ANKS6: variants seen among roughly 807,000 people sequenced by gnomAD.
ANKS6 encodes the protein ankyrin repeat and sterile alpha motif domain containing 6.
ANKS6 carries 47 observed loss-of-function variants against 77.9 expected under a neutral mutation model. That is an observed-to-expected ratio of 0.60 (90% CI 0.48 to 0.77). The LOEUF (loss-of-function observed/expected upper bound fraction) is 0.77. Ranked by LOEUF, ANKS6 falls within the 30% of genes least tolerant of loss-of-function variation. The pLI, the probability that ANKS6 is intolerant of heterozygous loss-of-function variation, is 0.00. For missense variants in ANKS6, 1,150 were observed against 1,159.1 expected, an observed-to-expected ratio of 0.99 and a Z score of 0.11; for synonymous variants, 488 against 501.7, an observed-to-expected ratio of 0.97 and a Z score of 0.37.
chr9:98,779,764 C>T (rs1027316427), intron 6 of ANKS6, among the ~76,000 whole-genome samples: 2 of 151,946 alleles, frequency 1.3e-5, no homozygotes, highest in East Asian at 1.9e-4. Flanking sequence ...CCCGGGTTCA[C>T]GCCATTCTCC....
intron 14 of ANKS6, among the ~76,000 whole-genome samples, chr9:98,738,439 A>C (rs961816728): frequency 2.0e-5 from 3 of 152,220 alleles, no homozygotes; most frequent in African/African-American, 7.2e-5. Flanking sequence ...ATGAATAGAC[A>C]ATTTTCAAAA....
chr9:98,754,437 C>T (rs928452030), intron 12 of ANKS6, among the ~76,000 whole-genome samples: 1 of 152,002 alleles, frequency 6.6e-6, no homozygotes, highest in African/African-American at 2.4e-5. Flanking sequence ...GTCAGGAGAT[C>T]GAGACCATCC....
Position 98,745,565 on chromosome 9 carries a change from T to C in ANKS6, c.2505A>G (p.Ala835=). ...AAGAAACAGAGAACGGTACCTTGCC[T>C]GCGTTCAGTTCAGAAATCGCTGCCA... ...QILAAISELN[A]GKGRERQILQ... is the part of the protein sequence containing the mutation. The change falls in exon 14 of 15, where the codon GCA becomes GCG. Residue 835 remains alanine (A), a synonymous_variant. Transcript: ENST00000353234. The C allele has an allele frequency of 6.2e-7, 1 of 1,612,552 alleles. No homozygotes were observed. Among genetic ancestry groups the C allele is most frequent in the Non-Finnish European group, 8.5e-7 (1 of 1,178,506 alleles).
chr9:98,777,742 G>T (rs1309032120), intron 7 of ANKS6, among the ~76,000 whole-genome samples: 1 of 152,150 alleles, frequency 6.6e-6, no homozygotes, highest in Non-Finnish European at 1.5e-5. Context: ...TGGTCATGGG[G>T]AATCTGACTG....
At chr9:98,781,883 G>T (rs796573977) in intron 5 of ANKS6, among the ~76,000 whole-genome samples, 21 of 152,308 alleles carry the variant, frequency 1.4e-4, no homozygotes, top group African/African-American at 4.3e-4. Context: ...AAAGACGACA[G>T]ATCAGAGACC....
chr9:98,738,580 AT>A (rs750848199), intron 14 of ANKS6, among the ~76,000 whole-genome samples: 1,518 of 149,920 alleles, frequency 0.01, 15 homozygotes, highest in Middle Eastern at 0.031. Context: ...AAAAAATAAA[AT>A]AAAAAAAAAA....
Position 98,774,070 on chromosome 9 carries a change from C to T in ANKS6, c.1628G>A (p.Gly543Glu). 4 of 1,488,650 alleles carry T rather than the reference C, an allele frequency of 2.7e-6. No homozygotes were observed. The South Asian group carries it at 5.4e-5, about 20-fold the overall frequency. 92.2% of individuals were successfully genotyped at this position (1,488,650 alleles called of 1,614,324 possible). A position where few individuals can be genotyped will look rare whatever the true frequency, so the allele number is the denominator to read the frequency against. The change falls in exon 9 of 15, where the codon GGA becomes GAA. Residue 543 changes from glycine (G) to glutamate (E), a missense_variant. By Grantham distance (98) the Gly-to-Glu change is moderately conservative (BLOSUM62 -2). Coordinates refer to ENST00000353234, the MANE Select transcript of ANKS6 (RefSeq NM_173551.5). The stretch of plus-strand genomic sequence containing the variant: ...ACTCGGGAGTCTGGTGAGGGGAGCT[C>T]CGTTTCGAAGCTGAAAAAGACAGGC... ...DTLLTTMLRN[G>E]APLTRLPSDK...
At position 98,787,625 on chromosome 9, in the gene ANKS6, T is replaced by C. The variant is rs141176274; in HGVS notation, c.862+2479A>G. ...ATCAAAACATAATAGTTTCCATTTA[T>C]TGGATGTCGTCTATGTGCCAGGGCA... On this transcript the variant is annotated intron_variant, in intron 2 of 14. Coordinates refer to ENST00000353234, the MANE Select transcript of ANKS6 (RefSeq NM_173551.5). Among the ~76,000 whole-genome samples the C allele has an allele frequency of 6.8e-4, 104 of 152,316 alleles. 1 individual carries two copies. Among genetic ancestry groups the C allele is most frequent in the South Asian group, 4.1e-3 (20 of 4,822 alleles).
At chr9:98,742,143 A>G (rs1831869781) in intron 14 of ANKS6, among the ~76,000 whole-genome samples, 1 of 152,228 alleles carries the variant, frequency 6.6e-6, no homozygotes, top group Admixed American at 6.5e-5. Flanking sequence ...TGGGGTCTCT[A>G]ATGTGTACAG....
chr9:98,791,688 T>TTTC lies in ANKS6; in HGVS notation c.360-1085_360-1083dup, dbSNP rs377600758. Among the ~76,000 whole-genome samples the TTTC allele has an allele frequency of 1.7e-3, 252 of 152,276 alleles. No individual in the cohort carries two copies. The highest frequency in any genetic ancestry group is 5.7e-3 in the African/African-American group (236 of 41,546). On this transcript the variant is annotated intron_variant, in intron 1 of 14. Transcript: ENST00000353234. The surrounding 1 kb of genome is among the most constrained non-coding windows in gnomAD (Gnocchi z 4.3). ...GTCATGTCTGCATCTGTGAGGCAGC[T>TTTC]TTCTGGGTTTCTCGATGCTCAGCCC... is the stretch of plus-strand genomic sequence containing the variant.
Position 98,734,926 on chromosome 9 carries a change from G to A in ANKS6, c.*1593C>T, listed in dbSNP as rs1831412292. 2.0e-6 allele frequency: 2 copies of A among 985,332 alleles called. No individual in the cohort carries two copies. The highest frequency in any genetic ancestry group is 2.4e-6 in the Non-Finnish European group (2 of 829,956). 61.0% of individuals were successfully genotyped at this position (985,332 alleles called of 1,614,324 possible). On this transcript the variant is annotated 3_prime_UTR_variant, in exon 15 of 15. Coordinates refer to ENST00000353234, the MANE Select transcript of ANKS6 (RefSeq NM_173551.5). ...AGTGTAAGGCTGAGAGAATTTAAAG[G>A]AAAAACACCCAACCATCAGGGCAGG...
chr9:98,758,984 T>A (rs1039665119), intron 11 of ANKS6, among the ~76,000 whole-genome samples: 12 of 152,220 alleles, frequency 7.9e-5, no homozygotes, highest in African/African-American at 2.9e-4. Context: ...TGTGGTTAGG[T>A]CATTCATTTG....
intron 5 of ANKS6, 152 bp from the exon 6 acceptor site, chr9:98,780,489 A>C (rs1834182281): frequency 1.0e-6 from 1 of 972,298 alleles, no homozygotes; most frequent in African/African-American, 1.7e-5. Flanking sequence ...TCTCCATCTG[A>C]TCTTCAAAAG....
intron 11 of ANKS6, among the ~76,000 whole-genome samples, chr9:98,761,421 C>T (rs185422181): frequency 1.3e-5 from 2 of 152,288 alleles, no homozygotes. Context: ...AGATATGAGC[C>T]ACTGCACCTG....
chr9:98,747,453 A>T (rs536111619), intron 13 of ANKS6, among the ~76,000 whole-genome samples: 24 of 151,820 alleles, frequency 1.6e-4, no homozygotes, highest in African/African-American at 5.6e-4. Context: ...ACCAGTCCTT[A>T]GCCCCCTCTG....
intron 2 of ANKS6, among the ~76,000 whole-genome samples, chr9:98,787,866 G>A (rs1383309340): frequency 2.6e-5 from 4 of 152,202 alleles, no homozygotes; most frequent in South Asian, 4.1e-4. Context: ...AAGACCCGAG[G>A]TTCGCTCCTG....
chr9:98,752,882 G>A (rs1832506344), intron 12 of ANKS6, among the ~76,000 whole-genome samples: 1 of 152,220 alleles, frequency 6.6e-6, no homozygotes, highest in South Asian at 2.1e-4. Flanking sequence ...CAAGGTACTA[G>A]GGAAAGCTTC....
chr9:98,788,858 C>T (rs1429869911), intron 2 of ANKS6, among the ~76,000 whole-genome samples: 2 of 152,246 alleles, frequency 1.3e-5, no homozygotes, highest in Non-Finnish European at 2.9e-5. Flanking sequence ...TTTCTTCCCT[C>T]TCTGGGCCTC....
intron 8 of ANKS6, among the ~76,000 whole-genome samples, chr9:98,775,128 C>A (rs149523279): frequency 1.1e-3 from 170 of 152,366 alleles, no homozygotes; most frequent in Middle Eastern, 0.01. Flanking sequence ...ATCCAGCAAA[C>A]GGGGTTGAGT....
Sources: allele counts gnomAD v4.1 joint callset (sites outside exome capture counted in the v4.1 genomes callset), GRCh38; gene constraint gnomAD v4.1.1; non-coding constraint Gnocchi (gnomAD v3.1); transcripts MANE v1.5; gene names NCBI Gene and HGNC (gene_info 2026-07-23, HGNC 2026-07-21).